The following CAST variants were observed in gnomAD, a reference collection of about 807,000 sequenced individuals.
CAST encodes calpastatin.
In CAST, 76 loss-of-function variants were observed where a neutral mutation model predicts 119.6. The ratio of observed to expected loss-of-function variants is 0.64; its 90% CI spans 0.53 to 0.77. The LOEUF is 0.77. Ranked by LOEUF, CAST falls within the 30% of genes least tolerant of loss-of-function variation. The probability of loss-of-function intolerance (pLI) is 0.00; values close to 1 mark genes in which losing one functional copy is unlikely to be tolerated. For missense variants in CAST, 953 were observed against 946.5 expected (o/e 1.01, Z -0.09); for synonymous variants, 319 against 331.6 (o/e 0.96, Z 0.41).
chr5:95,961,565 GC>G, the CAST span: 2 of 1,574,932 alleles, frequency 1.3e-6, no homozygotes, highest in Non-Finnish European at 1.7e-6. Flanking sequence ...CTGCCGGCCG[GC>G]CCGCTCACCT....
chr5:96,181,564 CAGA>C, the CAST span, among the ~76,000 whole-genome samples: 1 of 152,188 alleles, frequency 6.6e-6, no homozygotes, highest in Non-Finnish European at 1.5e-5. Context: ...CTTTGCTTCT[CAGA>C]AGGAGACAAC....
At chr5:96,001,676 C>T in the CAST span, among the ~76,000 whole-genome samples, 3 of 152,170 alleles carry the variant, frequency 2.0e-5, no homozygotes, top group Non-Finnish European at 2.9e-5. Context: ...AGCAAACCTA[C>T]AGTGTAAGAT....
the CAST span, chr5:96,423,207 A>G: frequency 9.0e-7 from 1 of 1,108,060 alleles, no homozygotes; most frequent in South Asian, 1.3e-5. Flanking sequence ...CCATAATCCC[A>G]GGGACTGACA....
chr5:96,415,158 T>TA, the CAST span, among the ~76,000 whole-genome samples: 1 of 152,206 alleles, frequency 6.6e-6, no homozygotes, highest in Admixed American at 6.5e-5. Flanking sequence ...CCCCTGCAGA[T>TA]ACACTTTCCA....
the CAST span, among the ~76,000 whole-genome samples, chr5:96,307,510 A>G: frequency 2.0e-5 from 3 of 152,100 alleles, no homozygotes; most frequent in Non-Finnish European, 2.9e-5. Context: ...CTAGCTGGTT[A>G]TTTTGCCTGT....
chr5:96,003,720 G>GT, the CAST span, among the ~76,000 whole-genome samples: 6 of 152,084 alleles, frequency 3.9e-5, no homozygotes, highest in Non-Finnish European at 5.9e-5. Context: ...AATTAAAATA[G>GT]TTTTTTCAAT....
the CAST span, among the ~76,000 whole-genome samples, chr5:96,151,107 T>A: frequency 2.0e-5 from 3 of 152,190 alleles, no homozygotes; most frequent in African/African-American, 7.2e-5. Flanking sequence ...TTTAGAGTTC[T>A]GATATTAAAA....
the CAST span, among the ~76,000 whole-genome samples, chr5:96,446,147 C>A: frequency 6.7e-6 from 1 of 148,306 alleles, no homozygotes; most frequent in African/African-American, 2.5e-5. Flanking sequence ...GCATCAGCCA[C>A]CATGCACAGC....
the CAST span, among the ~76,000 whole-genome samples, chr5:96,519,264 T>C: frequency 1.3e-5 from 2 of 152,098 alleles, no homozygotes; most frequent in African/African-American, 4.8e-5. Flanking sequence ...AGCCCACTGG[T>C]TTGGGACCAA....
the CAST span, among the ~76,000 whole-genome samples, chr5:96,246,947 C>A: frequency 3.3e-5 from 5 of 152,180 alleles, no homozygotes; most frequent in African/African-American, 1.2e-4. Flanking sequence ...TCATAGCAAG[C>A]ATTAAACATT....
Position 96,607,866 on chromosome 5 carries a change from G to A in CAST, c.61-67673G>A, listed in dbSNP as rs548517079. Among the ~76,000 whole-genome samples, 4 of 152,188 alleles carry A rather than the reference G, an allele frequency of 2.6e-5. No individual in the cohort carries two copies. In the South Asian group the frequency reaches 8.3e-4, roughly 32 times the overall value. Reference sequence around the variant, plus strand: ...GACAAATAATGATTGAACATATGGGGTACATTGTGATGGCTCAGTATACAT... The same window carrying A: ...GACAAATAATGATTGAACATATGGGATACATTGTGATGGCTCAGTATACAT... On this transcript the variant is annotated intron_variant, in intron 1 of 11. Transcript: ENST00000505143.
chr5:96,534,716 AG>A (rs1389616708), intron 1 of CAST, among the ~76,000 whole-genome samples: 474 of 34,644 alleles, frequency 0.014, 48 homozygotes, highest in East Asian at 0.035. Flanking sequence ...GGAAGGAAGG[AG>A]AGAGAGAGAG....
the CAST span, among the ~76,000 whole-genome samples, chr5:96,041,420 T>C: frequency 2.0e-5 from 3 of 152,200 alleles, no homozygotes; most frequent in South Asian, 6.2e-4. Context: ...AAAGAAGGTC[T>C]ATCTGAGAAC....
chr5:96,098,593 T>G, the CAST span, among the ~76,000 whole-genome samples: 3 of 152,336 alleles, frequency 2.0e-5, no homozygotes, highest in South Asian at 4.1e-4. Flanking sequence ...CTTTCACCAT[T>G]GCTTGTTTCT....
the CAST span, among the ~76,000 whole-genome samples, chr5:96,450,642 T>A: frequency 1.3e-5 from 2 of 152,200 alleles, no homozygotes; most frequent in African/African-American, 4.8e-5. Flanking sequence ...GATATACAAT[T>A]CCACATCAGA....
the CAST span, among the ~76,000 whole-genome samples, chr5:96,452,830 G>C: frequency 1.4e-5 from 2 of 145,426 alleles, no homozygotes; most frequent in Non-Finnish European, 3.0e-5. Flanking sequence ...GGCGCCTGTA[G>C]TCCCAGCTAC....
At chr5:96,408,737 G>T in the CAST span, among the ~76,000 whole-genome samples, 6,114 of 152,308 alleles carry the variant, frequency 0.04, 401 homozygotes, top group African/African-American at 0.14. Context: ...TTTGCCTTCA[G>T]ATTGACATTT....
At chr5:96,436,427 A>G in the CAST span, among the ~76,000 whole-genome samples, 1 of 150,494 alleles carries the variant, frequency 6.6e-6, no homozygotes, top group African/African-American at 2.4e-5. Context: ...TTAAATTGAG[A>G]AATCTGAATA....
chr5:96,207,009 A>C, the CAST span, among the ~76,000 whole-genome samples: 33 of 151,714 alleles, frequency 2.2e-4, no homozygotes, highest in Non-Finnish European at 4.3e-4. Context: ...TCTTGTAGAG[A>C]TCTTTCCTCT....
Sources: gnomAD v4.1 joint callset for allele counts (sites outside exome capture counted in the v4.1 genomes callset) on GRCh38, gnomAD v4.1.1 for gene constraint, MANE v1.5 for transcripts, NCBI Gene and HGNC (gene_info 2026-07-23, HGNC 2026-07-21) for gene names.